The following OSBP2 variants were observed in gnomAD, a reference collection of about 807,000 sequenced individuals.
The protein encoded by OSBP2 is oxysterol binding protein 2, also known as oxysterol-binding protein 2.
OSBP2 carries 66 observed loss-of-function variants against 96.0 expected under a neutral mutation model. The observed-to-expected ratio is 0.69, with a 90% CI of 0.56 to 0.84. OSBP2 has a LOEUF of 0.84. Among genes scored for constraint, OSBP2 ranks in the 40% least tolerant of loss-of-function variants. The pLI is 0.00. For synonymous variants in OSBP2, 525 were observed against 520.9 expected, an observed-to-expected ratio of 1.01 and a Z score of -0.11; for missense variants, 1,038 against 1,222.7, an observed-to-expected ratio of 0.85 and a Z score of 2.25.
At chr22:30,751,522 T>C (rs1400432800) in intron 2 of OSBP2, among the ~76,000 whole-genome samples, 3 of 152,012 alleles carry the variant, frequency 2.0e-5, no homozygotes, top group Admixed American at 1.3e-4. Flanking sequence ...GCCTGGCTAG[T>C]TTTTGTATTT....
At chr22:30,735,410 CTTTT>C (rs774749546) in intron 1 of OSBP2, among the ~76,000 whole-genome samples, 5 of 100,598 alleles carry the variant, frequency 5.0e-5, no homozygotes, top group African/African-American at 8.2e-5. Flanking sequence ...TCTTCTCTCT[CTTTT>C]TTTTTTTTTT....
Position 30,741,205 on chromosome 22 carries a change from T to C in OSBP2, c.689T>C (p.Leu230Pro). 3 of 1,614,170 alleles carry C rather than the reference T, an allele frequency of 1.9e-6. No homozygotes were observed. Among genetic ancestry groups the C allele is most frequent in the Non-Finnish European group, 2.5e-6 (3 of 1,180,030 alleles). The change falls in exon 2 of 14, where the codon CTG becomes CCG. Residue 230 changes from leucine to proline, a missense_variant. Around this residue, in one of 3 missense-constraint regions of OSBP2, gnomAD observed 281 missense variants for 273.4 expected, o/e 1.03. Coordinates refer to ENST00000332585, the MANE Select transcript of OSBP2 (RefSeq NM_030758.4). ...MAHTCRGTINLSTAHIDTEDS... is the reference protein window; with the variant it reads ...MAHTCRGTINPSTAHIDTEDS... ...CACACGTGCCGTGGAACCATCAACC[T>C]GTCCACCGCGCACATTGACACGGAG...
intron 3 of OSBP2, among the ~76,000 whole-genome samples, chr22:30,875,330 C>G (rs989582593): frequency 6.6e-6 from 1 of 152,074 alleles, no homozygotes; most frequent in African/African-American, 2.4e-5. Flanking sequence ...GGGCTCCAGC[C>G]TCCCTCTGCC....
At chr22:30,826,050 C>G (rs1047696368) in intron 2 of OSBP2, among the ~76,000 whole-genome samples, 33 of 152,084 alleles carry the variant, frequency 2.2e-4, no homozygotes, top group Admixed American at 2.2e-3. Flanking sequence ...CTGTGAGTGG[C>G]TGTGATGTGA....
At chr22:30,901,859 T>C (rs1402059736) in intron 12 of OSBP2, among the ~76,000 whole-genome samples, 3 of 151,406 alleles carry the variant, frequency 2.0e-5, no homozygotes, top group East Asian at 1.9e-4. Flanking sequence ...TGAAATTCTG[T>C]CCCCCCACAA....
intron 2 of OSBP2, among the ~76,000 whole-genome samples, chr22:30,764,758 T>G (rs2090249717): frequency 6.6e-6 from 1 of 152,186 alleles, no homozygotes; most frequent in African/African-American, 2.4e-5. Context: ...TATAGGTGCA[T>G]TCAAGCTATT....
chr22:30,729,330 G>A (rs900374318), intron 1 of OSBP2, among the ~76,000 whole-genome samples: 4 of 152,094 alleles, frequency 2.6e-5, no homozygotes, highest in Non-Finnish European at 5.9e-5. Flanking sequence ...AATGTCCATC[G>A]ATGGATGGAT....
Position 30,893,217 on chromosome 22 carries a change from A to T in OSBP2, c.1965A>T (p.Gly655=), listed in dbSNP as rs1240136109. The T allele has an allele frequency of 1.2e-6, 2 of 1,614,016 alleles. No individual in the cohort carries two copies. The highest frequency in any genetic ancestry group is 3.3e-5 in the Admixed American group (2 of 60,014). The change falls in exon 9 of 14, where the codon GGA becomes GGT. Residue 655 remains glycine, a synonymous_variant. Coordinates refer to ENST00000332585, the MANE Select transcript of OSBP2 (RefSeq NM_030758.4). ...TCACCATCTCCAGCAAGTTCCGGGG[A>T]AAATACATCTCCATCATGCCGCTAG... ...QEITISSKFR[G]KYISIMPLGA... is the part of the protein sequence containing the mutation.
chr22:30,792,109 C>A (rs544117392), intron 2 of OSBP2, among the ~76,000 whole-genome samples: 1 of 152,146 alleles, frequency 6.6e-6, no homozygotes, highest in East Asian at 1.9e-4. Context: ...GTCAGGAGTT[C>A]AAGATCAGCC....
At chr22:30,800,577 TGTC>T (rs2090836250) in intron 2 of OSBP2, among the ~76,000 whole-genome samples, 1 of 152,166 alleles carries the variant, frequency 6.6e-6, no homozygotes, top group South Asian at 2.1e-4. Flanking sequence ...GTTTACTCAT[TGTC>T]AGCAGCAATG....
At chr22:30,841,298 T>C (rs1569145940) in intron 2 of OSBP2, among the ~76,000 whole-genome samples, 1 of 152,254 alleles carries the variant, frequency 6.6e-6, no homozygotes, top group African/African-American at 2.4e-5. Flanking sequence ...ATAAATCTTA[T>C]ACCTGTTAGC....
chr22:30,873,888 A>G (rs2039516912), intron 3 of OSBP2, among the ~76,000 whole-genome samples: 1 of 152,210 alleles, frequency 6.6e-6, no homozygotes, highest in African/African-American at 2.4e-5. Context: ...TGGCTGCTCC[A>G]TCTTCACTTT....
Position 30,708,478 on chromosome 22 carries a change from A to ATTTTTTTT in OSBP2, c.644+12946_644+12953dup, listed in dbSNP as rs56361178. Among the ~76,000 whole-genome samples, 102 of 63,476 alleles carry ATTTTTTTT rather than the reference A, an allele frequency of 1.6e-3. 15 individuals carry two copies. The highest frequency in any genetic ancestry group is 0.012 in the East Asian group (21 of 1,826). The allele number at this position is 63,476 out of a possible 152,430, so 41.6% of individuals were successfully genotyped here. A position where few individuals can be genotyped will look rare whatever the true frequency, so the allele number is the denominator to read the frequency against. On this transcript the variant is annotated intron_variant, in intron 1 of 13. Transcript: ENST00000332585. ...CAGTATATATCTCTAAAGGATAAGG[A>ATTTTTTTT]TTTTTTTTTTTTTTTTTTTTTTTTT...
chr22:30,756,409 C>T (rs1226230793), intron 2 of OSBP2, among the ~76,000 whole-genome samples: 4 of 152,140 alleles, frequency 2.6e-5, no homozygotes, highest in African/African-American at 9.7e-5. Context: ...CTTTTAGGGG[C>T]CAGGCATGGT....
intron 2 of OSBP2, among the ~76,000 whole-genome samples, chr22:30,831,090 A>G (rs748911829): frequency 2.1e-4 from 32 of 152,208 alleles, no homozygotes; most frequent in Middle Eastern, 3.2e-3. Flanking sequence ...TTTCCGGGAC[A>G]CATTGCCAAG....
At position 30,870,584 on chromosome 22, in the gene OSBP2, C is replaced by T; in HGVS notation, c.1009C>T (p.Leu337=). The T allele has an allele frequency of 6.2e-7, 1 of 1,614,008 alleles. No individual in the cohort carries two copies. Among genetic ancestry groups the T allele is most frequent in the Non-Finnish European group, 8.5e-7 (1 of 1,180,006 alleles). The change falls in exon 3 of 14, where the codon CTG becomes TTG. Residue 337 remains leucine, a synonymous_variant. Coordinates refer to ENST00000332585, the MANE Select transcript of OSBP2 (RefSeq NM_030758.4). The surrounding 1 kb of genome is among the most constrained non-coding windows in gnomAD (Gnocchi z 4.1). ...GAALQRSLTE[L]DGLKIPSESG... ...TGCACTCCAGCGCTCCCTGACAGAGCTGGACGGCCTCAAGATCCCATCTGA... is the reference window on the plus strand; with the variant it reads ...TGCACTCCAGCGCTCCCTGACAGAGTTGGACGGCCTCAAGATCCCATCTGA...
At chr22:30,762,631 A>G (rs1337785772) in intron 2 of OSBP2, among the ~76,000 whole-genome samples, 5 of 152,124 alleles carry the variant, frequency 3.3e-5, no homozygotes, top group African/African-American at 1.2e-4. Context: ...CTTCACTGGC[A>G]CACCATCTTG....
intron 2 of OSBP2, among the ~76,000 whole-genome samples, chr22:30,779,942 C>T (rs2090493487): frequency 6.6e-6 from 1 of 152,214 alleles, no homozygotes; most frequent in African/African-American, 2.4e-5. Flanking sequence ...CTTGTCTTCC[C>T]TCCTCAGGCT....
chr22:30,738,813 C>T (rs922661136), intron 1 of OSBP2, among the ~76,000 whole-genome samples: 3 of 152,184 alleles, frequency 2.0e-5, no homozygotes, highest in African/African-American at 7.2e-5. Flanking sequence ...CCACCTGCCT[C>T]CTCCTCCCAA....
Sources: allele counts gnomAD v4.1 joint callset (sites outside exome capture counted in the v4.1 genomes callset), GRCh38; gene constraint gnomAD v4.1.1; regional missense constraint gnomAD v4.1.1; non-coding constraint Gnocchi (gnomAD v3.1); transcripts MANE v1.5; gene names NCBI Gene and HGNC (gene_info 2026-07-23, HGNC 2026-07-21).